TNFRSF19: variants seen among roughly 807,000 people sequenced by gnomAD.
TNFRSF19 encodes the protein TNF receptor superfamily member 19.
Under a neutral mutation model 46.4 loss-of-function variants are expected in TNFRSF19, and 27 were observed. The ratio of observed to expected loss-of-function variants is 0.58; its 90% CI spans 0.43 to 0.80. TNFRSF19 has a LOEUF of 0.80. TNFRSF19 is among the 30% of genes least tolerant of loss of function. The pLI, the probability that TNFRSF19 is intolerant of heterozygous loss-of-function variation, is 0.00. For missense variants in TNFRSF19, 511 were observed against 530.8 expected (o/e 0.96, Z 0.37); for synonymous variants, 204 against 205.0 (o/e 1.00, Z 0.04).
intron 1 of TNFRSF19, among the ~76,000 whole-genome samples, chr13:23,577,902 A>C (rs935884389): frequency 6.6e-6 from 1 of 152,064 alleles, no homozygotes; most frequent in Non-Finnish European, 1.5e-5. Context: ...AAAGGCGGGA[A>C]GCGGGGTTGA....
rs1884243259 is a variant in TNFRSF19 at position 23,659,874 on chromosome 13, T to A, written c.611-491T>A. Among the ~76,000 whole-genome samples, 1 of 152,038 alleles carries A rather than the reference T, an allele frequency of 6.6e-6. No individual in the cohort carries two copies. Among genetic ancestry groups the A allele is most frequent in the Non-Finnish European group, 1.5e-5 (1 of 68,016 alleles). ...AGAAAAGAAAATGTTACTAAGAGAA[T>A]CATAAGGGAGACAAAATAGATTTAC... On this transcript the variant is annotated intron_variant, in intron 6 of 9. Coordinates refer to ENST00000248484, the MANE Select transcript of TNFRSF19 (RefSeq NM_148957.4). This position sits in a 1 kb window ranked among gnomAD's most constrained non-coding sequence, Gnocchi z 4.9.
intron 7 of TNFRSF19, among the ~76,000 whole-genome samples, chr13:23,663,452 A>G (rs1016897037): frequency 6.6e-6 from 1 of 152,162 alleles, no homozygotes; most frequent in Non-Finnish European, 1.5e-5. Context: ...ATTGGTGTTC[A>G]TCAGGGATAT....
chr13:23,625,260 T>C (rs1881919176), intron 4 of TNFRSF19, among the ~76,000 whole-genome samples: 1 of 152,096 alleles, frequency 6.6e-6, no homozygotes, highest in Admixed American at 6.5e-5. Flanking sequence ...TGATTGGTTA[T>C]TGGTGGACAT....
intron 3 of TNFRSF19, among the ~76,000 whole-genome samples, chr13:23,613,095 A>T (rs1043949792): frequency 6.6e-6 from 1 of 152,212 alleles, no homozygotes; most frequent in African/African-American, 2.4e-5. Context: ...AATGTCTTAG[A>T]TGGAAATTGG....
At chr13:23,612,316 A>G (rs1243525451) in intron 3 of TNFRSF19, among the ~76,000 whole-genome samples, 1 of 152,230 alleles carries the variant, frequency 6.6e-6, no homozygotes, top group Non-Finnish European at 1.5e-5. Context: ...TTAACCACCC[A>G]GCTTTACTGA....
intron 1 of TNFRSF19, among the ~76,000 whole-genome samples, chr13:23,581,621 CT>C (rs1435302056): frequency 1.3e-5 from 2 of 152,044 alleles, no homozygotes; most frequent in Non-Finnish European, 2.9e-5. Flanking sequence ...ATGTCATATG[CT>C]GTCCTTAATA....
chr13:23,606,444 A>C (rs943206667), intron 3 of TNFRSF19, among the ~76,000 whole-genome samples: 11 of 152,146 alleles, frequency 7.2e-5, no homozygotes, highest in Non-Finnish European at 1.0e-4. Context: ...CTTAGGACCC[A>C]CTCAGGTGCA....
chr13:23,672,694 G>C (rs1029173514), intron 9 of TNFRSF19, among the ~76,000 whole-genome samples: 1 of 152,274 alleles, frequency 6.6e-6, no homozygotes, highest in East Asian at 1.9e-4. Flanking sequence ...TTAGTGGTAA[G>C]TTAGTGAAGG....
intron 7 of TNFRSF19, among the ~76,000 whole-genome samples, chr13:23,666,162 G>A (rs180807803): frequency 4.6e-5 from 7 of 152,292 alleles, no homozygotes; most frequent in Admixed American, 3.3e-4. Context: ...TTAAGGGGGT[G>A]TCTGCCAGGT....
chr13:23,592,984 CTG>C (rs763790043), intron 2 of TNFRSF19, among the ~76,000 whole-genome samples: 2 of 104,088 alleles, frequency 1.9e-5, no homozygotes, highest in African/African-American at 4.3e-5. Context: ...AAAGTCATAA[CTG>C]TTTTTTTTTT....
At chr13:23,602,642 A>G (rs1769809518) in intron 3 of TNFRSF19, among the ~76,000 whole-genome samples, 1 of 152,158 alleles carries the variant, frequency 6.6e-6, no homozygotes, top group Admixed American at 6.6e-5. Flanking sequence ...AGGTAAAAGC[A>G]TAGAAATCGT....
rs374081891 is a variant in TNFRSF19, at chr13:23,590,333, T to G, written c.69+81T>G. On this transcript the variant is annotated intron_variant, in intron 2 of 9. Transcript: ENST00000248484. ...ATAAGTAGTAGGAGTACCAAAATCA[T>G]TTTATTTTTTATTTTTTTTGAGACA... The G allele has an allele frequency of 5.2e-5, 42 of 814,698 alleles. No homozygotes were observed. In the African/African-American group the frequency reaches 7.2e-4, roughly 14 times the overall value. 50.5% of individuals were successfully genotyped at this position (814,698 alleles called of 1,614,324 possible).
At chr13:23,671,578 C>T (rs1459217523) in intron 9 of TNFRSF19, among the ~76,000 whole-genome samples, 1 of 151,936 alleles carries the variant, frequency 6.6e-6, no homozygotes, top group African/African-American at 2.4e-5. Flanking sequence ...CTACTTCAGG[C>T]CTTTGGGGGC....
chr13:23,641,297 A>G (rs1252947660), intron 5 of TNFRSF19, among the ~76,000 whole-genome samples: 1 of 152,206 alleles, frequency 6.6e-6, no homozygotes, highest in Non-Finnish European at 1.5e-5. Flanking sequence ...TATGTAATTG[A>G]CAAATAATTA....
At chr13:23,581,720 C>T (rs1566160893) in intron 1 of TNFRSF19, among the ~76,000 whole-genome samples, 1 of 152,136 alleles carries the variant, frequency 6.6e-6, no homozygotes, top group Non-Finnish European at 1.5e-5. Flanking sequence ...TGCTAACATT[C>T]ATAAAAAGAA....
chr13:23,614,746 C>CATATATATATATATATATATATAT lies in TNFRSF19; in HGVS notation c.181-1098_181-1097insTATATATATATATATATATATATA, dbSNP rs59117822. 4.6e-3 allele frequency among the ~76,000 whole-genome samples: 620 copies of CATATATATATATATATATATATAT among 134,650 alleles called. 17 individuals are homozygous for CATATATATATATATATATATATAT. Among genetic ancestry groups the CATATATATATATATATATATATAT allele is most frequent in the Middle Eastern group, 0.016 (4 of 248 alleles). The allele number at this position is 134,650 out of a possible 152,430, so 88.3% of individuals were successfully genotyped here. ...AGCCGCTTCCTGTGGATAAGTAATA[C>CATATATATATATATATATATATAT]ATATATATATATATATATATATAGT... On this transcript the variant is annotated intron_variant, in intron 3 of 9. Transcript: ENST00000248484.
At chr13:23,594,304 A>G (rs895641079) in intron 3 of TNFRSF19, 6 of 452,152 alleles carry the variant, frequency 1.3e-5, no homozygotes, top group African/African-American at 1.2e-4. Flanking sequence ...CAAATGGTCT[A>G]GCTCAGCAGA....
chr13:23,625,941 C>T (rs551554308), intron 4 of TNFRSF19, among the ~76,000 whole-genome samples: 11 of 152,068 alleles, frequency 7.2e-5, no homozygotes, highest in Non-Finnish European at 1.0e-4. Context: ...TTAATTGTGT[C>T]GTGCTTTTCA....
chr13:23,594,459 T>TC, intron 3 of TNFRSF19: 2 of 235,848 alleles, frequency 8.5e-6, no homozygotes, highest in Non-Finnish European at 1.8e-5. Flanking sequence ...TAGGTGGTTT[T>TC]CCCCTCACAG....
Sources: gnomAD v4.1 joint callset for allele counts (sites outside exome capture counted in the v4.1 genomes callset) on GRCh38, gnomAD v4.1.1 for gene constraint, Gnocchi (gnomAD v3.1) non-coding constraint, MANE v1.5 for transcripts, NCBI Gene and HGNC (gene_info 2026-07-23, HGNC 2026-07-21) for gene names.